MAP4: variants seen among roughly 807,000 people sequenced by gnomAD.
The protein encoded by MAP4 is microtubule associated protein 4, also known as microtubule-associated protein 4.
In MAP4, 76 loss-of-function variants were observed where a neutral mutation model predicts 170.2. The ratio of observed to expected loss-of-function variants is 0.45; its 90% CI spans 0.37 to 0.54. The LOEUF (loss-of-function observed/expected upper bound fraction) is 0.54, where lower values mean the gene tolerates loss of function less well. Ranked by LOEUF, MAP4 falls within the 20% of genes least tolerant of loss-of-function variation. The pLI is 0.00. For missense variants in MAP4, 2,506 were observed against 2,748.0 expected, an observed-to-expected ratio of 0.91 and a Z score of 1.97; for synonymous variants, 909 against 994.5, an observed-to-expected ratio of 0.91 and a Z score of 1.62.
chr3:47,921,359 A>C (rs565998573), intron 5 of MAP4, among the ~76,000 whole-genome samples: 1 of 152,308 alleles, frequency 6.6e-6, no homozygotes, highest in African/African-American at 2.4e-5. Flanking sequence ...CTACTTTGGC[A>C]TAAGGACTTT....
chr3:48,006,772 A>G (rs1204536077), intron 1 of MAP4, among the ~76,000 whole-genome samples: 1 of 152,248 alleles, frequency 6.6e-6, no homozygotes. Flanking sequence ...TGGCCTGTGC[A>G]GAAGACAGAT....
chr3:47,875,603 G>T, intron 12 of MAP4, 82 bp downstream of exon 12: 1 of 1,239,576 alleles, frequency 8.1e-7, no homozygotes, highest in Non-Finnish European at 1.1e-6. Context: ...TGATTCTGTT[G>T]TCTGTTAGCA....
intron 1 of MAP4, among the ~76,000 whole-genome samples, chr3:48,011,677 G>C (rs1246008271): frequency 6.6e-6 from 1 of 151,900 alleles, no homozygotes; most frequent in Non-Finnish European, 1.5e-5. Context: ...AAGTATTATT[G>C]TAACTCCAGA....
Position 48,061,647 on chromosome 3 carries a change from C to T in MAP4, c.-20+27126G>A, listed in dbSNP as rs1579698151. ...GGAAGTGAGGAGCGTCTCTGCCTGGCCGCCCATCGTCTGGGATGTGAGGAG... is the reference window on the plus strand; with the variant it reads ...GGAAGTGAGGAGCGTCTCTGCCTGGTCGCCCATCGTCTGGGATGTGAGGAG... On this transcript the variant is annotated intron_variant, in intron 1 of 18. Transcript: ENST00000360240. Among the ~76,000 whole-genome samples the T allele has an allele frequency of 2.1e-5, 3 of 145,940 alleles. No homozygotes were observed. In the East Asian group the frequency reaches 5.9e-4, roughly 29 times the overall value.
At chr3:47,965,952 TC>T (rs2100074631) in intron 3 of MAP4, among the ~76,000 whole-genome samples, 1 of 152,186 alleles carries the variant, frequency 6.6e-6, no homozygotes, top group South Asian at 2.1e-4. Flanking sequence ...CACTGCCAAA[TC>T]CAATGTCATG....
intron 1 of MAP4, among the ~76,000 whole-genome samples, chr3:48,054,280 G>A (rs551051959): frequency 1.2e-4 from 18 of 148,454 alleles, no homozygotes; most frequent in African/African-American, 4.0e-4. Context: ...CCTGGCGAGA[G>A]AGCAAGACTC....
At chr3:48,041,682 C>A (rs1333116879) in intron 1 of MAP4, among the ~76,000 whole-genome samples, 1 of 152,112 alleles carries the variant, frequency 6.6e-6, no homozygotes, top group Non-Finnish European at 1.5e-5. Flanking sequence ...CCATCTCAGT[C>A]TGGGTGATGC....
chr3:48,046,817 G>A (rs1285313499), intron 1 of MAP4, among the ~76,000 whole-genome samples: 1 of 152,256 alleles, frequency 6.6e-6, no homozygotes, highest in African/African-American at 2.4e-5. Context: ...AATGTTAGCC[G>A]GGCGCGGTGG....
intron 1 of MAP4, among the ~76,000 whole-genome samples, chr3:48,027,833 T>G (rs893818311): frequency 6.6e-6 from 1 of 152,136 alleles, no homozygotes; most frequent in Non-Finnish European, 1.5e-5. Context: ...TGTAAGACCC[T>G]GTCTCAAAAA....
chr3:48,061,858 G>A (rs1205534973), intron 1 of MAP4, among the ~76,000 whole-genome samples: 1 of 147,676 alleles, frequency 6.8e-6, no homozygotes, highest in Non-Finnish European at 1.5e-5. Context: ...CCCCCGCCCG[G>A]CCAGCCACCC....
At chr3:47,954,461 T>C (rs2100066476) in intron 3 of MAP4, among the ~76,000 whole-genome samples, 1 of 152,088 alleles carries the variant, frequency 6.6e-6, no homozygotes, top group Non-Finnish European at 1.5e-5. Context: ...TCTGTACAAC[T>C]GAAAAAAACT....
chr3:47,915,895 T>A (rs1301840244), intron 7 of MAP4, 56 bp downstream of exon 7: 2 of 1,544,824 alleles, frequency 1.3e-6, no homozygotes, highest in Non-Finnish European at 1.7e-6. Context: ...GTCCTTAGTC[T>A]TCTCGAGACT....
intron 1 of MAP4, among the ~76,000 whole-genome samples, chr3:48,025,927 T>TAAC (rs2100112867): frequency 6.8e-6 from 1 of 147,684 alleles, no homozygotes; most frequent in Non-Finnish European, 1.5e-5. Flanking sequence ...ATAATAATAA[T>TAAC]AATAATAATA....
At chr3:48,023,207 G>C (rs1268318592) in intron 1 of MAP4, among the ~76,000 whole-genome samples, 1 of 152,100 alleles carries the variant, frequency 6.6e-6, no homozygotes, top group Non-Finnish European at 1.5e-5. Flanking sequence ...TACTGAAAGA[G>C]AACTACACAA....
chr3:48,051,127 CTT>C (rs2100127609), intron 1 of MAP4, among the ~76,000 whole-genome samples: 1 of 150,746 alleles, frequency 6.6e-6, no homozygotes, highest in Non-Finnish European at 1.5e-5. Flanking sequence ...CACACACACA[CTT>C]AGGCTGGCTG....
At chr3:47,930,430 C>G (rs62260760) in intron 3 of MAP4, among the ~76,000 whole-genome samples, 1 of 145,164 alleles carries the variant, frequency 6.9e-6, no homozygotes, top group African/African-American at 2.6e-5. Flanking sequence ...CCGGCCTGGG[C>G]GACAGAGCGA....
intron 8 of MAP4, among the ~76,000 whole-genome samples, chr3:47,913,402 C>T (rs150864185): frequency 1.2e-3 from 188 of 152,292 alleles, no homozygotes; most frequent in African/African-American, 4.1e-3. Context: ...TTAATTATTG[C>T]ATCGCTCAAA....
At chr3:47,897,942 G>GGT (rs2100027861) in intron 10 of MAP4, among the ~76,000 whole-genome samples, 1 of 127,696 alleles carries the variant, frequency 7.8e-6, no homozygotes, top group African/African-American at 4.3e-5. Context: ...ACTCCATATC[G>GGT]GGGGGGGGAA....
At chr3:47,951,579 T>C (rs1334078778) in intron 3 of MAP4, among the ~76,000 whole-genome samples, 2 of 152,218 alleles carry the variant, frequency 1.3e-5, no homozygotes, top group Non-Finnish European at 2.9e-5. Flanking sequence ...CTCCAGCTCC[T>C]AACCGCGAGT....
Sources: gnomAD v4.1 joint callset for allele counts (sites outside exome capture counted in the v4.1 genomes callset) on GRCh38, gnomAD v4.1.1 for gene constraint, MANE v1.5 for transcripts, NCBI Gene and HGNC (gene_info 2026-07-23, HGNC 2026-07-21) for gene names.